Variants in GRIA4 observed in about 807,000 individuals in gnomAD.
The protein encoded by GRIA4 is glutamate receptor 4.
GRIA4 carries 34 observed loss-of-function variants against 104.0 expected under a neutral mutation model. The ratio of observed to expected loss-of-function variants is 0.33; its 90% confidence interval spans 0.25 to 0.44. The LOEUF is 0.44. Among genes scored for constraint, GRIA4 ranks in the 20% least tolerant of loss-of-function variants. GRIA4 has a pLI of 1.00. For synonymous variants in GRIA4, 386 were observed against 381.9 expected (o/e 1.01, Z -0.13); for missense variants, 750 against 1,096.5 (o/e 0.68, Z 4.46).
At chr11:105,641,995 T>C (rs1002391854) in intron 3 of GRIA4, among the ~76,000 whole-genome samples, 3 of 152,186 alleles carry the variant, frequency 2.0e-5, no homozygotes, top group South Asian at 2.1e-4. Context: ...GGCTTGTAGA[T>C]GCCATTATCT....
intron 7 of GRIA4, among the ~76,000 whole-genome samples, chr11:105,900,518 A>G (rs145515553): frequency 4.6e-5 from 7 of 152,228 alleles, no homozygotes; most frequent in Non-Finnish European, 1.0e-4. Flanking sequence ...AAATCCAACC[A>G]TCTTCCAAGG....
chr11:105,696,788 G>T (rs1953293782), intron 3 of GRIA4, among the ~76,000 whole-genome samples: 1 of 151,540 alleles, frequency 6.6e-6, no homozygotes. Flanking sequence ...TATTGAAACA[G>T]AGTTTTGCTC....
In GRIA4 at chr11:105,648,621, A is replaced by C. The variant is rs75215061; in HGVS notation, c.247+36187A>C. Among the ~76,000 whole-genome samples, 167 of 152,048 alleles carry C rather than the reference A, an allele frequency of 1.1e-3. 2 individuals carry two copies. In the East Asian group the frequency reaches 0.03, roughly 27 times the overall value. On this transcript the variant is annotated intron_variant, in intron 3 of 16. Coordinates refer to ENST00000282499, the MANE Select transcript of GRIA4 (RefSeq NM_000829.4). ...AAAAAAAGAAAGAACTAGGAAGGGA[A>C]GGATGCAGAGAAAGAAAAGAAACAA...
At chr11:105,692,961 G>A (rs531281442) in intron 3 of GRIA4, among the ~76,000 whole-genome samples, 25 of 152,156 alleles carry the variant, frequency 1.6e-4, no homozygotes, top group Admixed American at 5.9e-4. Context: ...AAACACACAC[G>A]CTAGACTCTG....
Position 105,610,890 on chromosome 11 carries a change from G to GAT in GRIA4, c.-90-18_-90-17insAT. ...CTTTTCTTTTTTTTTTTTTTTTTTT[G>GAT]GTTGATTTTAATTTTAGCGCCATCG... is the stretch of plus-strand genomic sequence containing the variant. On this transcript the variant is annotated splice_polypyrimidine_tract_variant and intron_variant, in intron 1 of 16. Transcript: ENST00000282499. 4.8e-6 allele frequency: 1 copy of GAT among 207,236 alleles called. No homozygotes were observed. The highest frequency in any genetic ancestry group is 1.8e-4 in the South Asian group (1 of 5,540). 12.8% of individuals were successfully genotyped at this position (207,236 alleles called of 1,614,324 possible). A position where few individuals can be genotyped will look rare whatever the true frequency, so the allele number is the denominator to read the frequency against.
chr11:105,885,590 G>A (rs1946227000), intron 5 of GRIA4, among the ~76,000 whole-genome samples: 1 of 152,330 alleles, frequency 6.6e-6, no homozygotes, highest in Admixed American at 6.5e-5. Context: ...GAAGCTTTGG[G>A]TTCAGTCAAG....
At chr11:105,649,713 C>T (rs1178715924) in intron 3 of GRIA4, among the ~76,000 whole-genome samples, 1 of 151,984 alleles carries the variant, frequency 6.6e-6, no homozygotes, top group African/African-American at 2.4e-5. Flanking sequence ...TTTTAATTGG[C>T]TTCATCTTTC....
chr11:105,735,607 T>A (rs147759887), intron 3 of GRIA4, among the ~76,000 whole-genome samples: 1 of 152,216 alleles, frequency 6.6e-6, no homozygotes, highest in Non-Finnish European at 1.5e-5. Flanking sequence ...TCTATTTGAA[T>A]GGACTTTTTA....
chr11:105,664,465 C>A (rs780416413), intron 3 of GRIA4, among the ~76,000 whole-genome samples: 2 of 151,086 alleles, frequency 1.3e-5, no homozygotes, highest in Non-Finnish European at 3.0e-5. Flanking sequence ...TATCCCAAAT[C>A]GGGATATAAG....
At chr11:105,804,170 T>C (rs1942844545) in intron 4 of GRIA4, among the ~76,000 whole-genome samples, 1 of 151,974 alleles carries the variant, frequency 6.6e-6, no homozygotes, top group South Asian at 2.1e-4. Flanking sequence ...AACATCCTAA[T>C]TGATAGATTT....
chr11:105,728,331 A>G (rs976592463), intron 3 of GRIA4, among the ~76,000 whole-genome samples: 6 of 152,276 alleles, frequency 3.9e-5, no homozygotes, highest in Non-Finnish European at 8.8e-5. Flanking sequence ...TAATTATTCT[A>G]AATATATATG....
Position 105,722,359 on chromosome 11 carries a change from AT to A in GRIA4, c.248-30617del, listed in dbSNP as rs561346563. On this transcript the variant is annotated intron_variant, in intron 3 of 16. Transcript: ENST00000282499. ...TGGACTTACAGTGGTACAACTCAACATTTTTCAGTCTTACAATGGGGTTATT... is the reference window on the plus strand; with the variant it reads ...TGGACTTACAGTGGTACAACTCAACATTTTCAGTCTTACAATGGGGTTATT... 4.2e-4 allele frequency among the ~76,000 whole-genome samples: 64 copies of A among 152,198 alleles called. 2 individuals are homozygous for A. The highest frequency in any genetic ancestry group is 1.5e-3 in the African/African-American group (62 of 41,552).
chr11:105,656,619 A>G (rs978477777), intron 3 of GRIA4, among the ~76,000 whole-genome samples: 2 of 152,106 alleles, frequency 1.3e-5, no homozygotes, highest in African/African-American at 4.8e-5. Flanking sequence ...TTTGCAATCT[A>G]TTTATGTGAC....
chr11:105,637,386 G>T (rs1045980143), intron 3 of GRIA4, among the ~76,000 whole-genome samples: 44 of 152,074 alleles, frequency 2.9e-4, no homozygotes, highest in African/African-American at 1.0e-3. Context: ...ATTTCTCTGA[G>T]GAATAGTATC....
chr11:105,957,355 T>A (rs2136252264), intron 14 of GRIA4, among the ~76,000 whole-genome samples: 1 of 152,334 alleles, frequency 6.6e-6, no homozygotes, highest in East Asian at 1.9e-4. Flanking sequence ...CAGGACCATT[T>A]ATTAAATAGG....
At chr11:105,920,532 G>C (rs938334208) in intron 11 of GRIA4, among the ~76,000 whole-genome samples, 13 of 152,030 alleles carry the variant, frequency 8.6e-5, no homozygotes, top group Non-Finnish European at 1.9e-4. Flanking sequence ...CTCTTCTCTG[G>C]AGTCCCTACC....
intron 9 of GRIA4, among the ~76,000 whole-genome samples, chr11:105,908,784 T>G (rs2409608): frequency 0.086 from 13,060 of 152,108 alleles, 761 homozygotes; most frequent in Admixed American, 0.18. Flanking sequence ...TCTGTGATTC[T>G]CTCTGTTGTG....
chr11:105,836,928 A>G (rs928097258), intron 4 of GRIA4, among the ~76,000 whole-genome samples: 27 of 152,276 alleles, frequency 1.8e-4, no homozygotes, highest in Admixed American at 1.6e-3. Context: ...GTATTAGTCC[A>G]TTCTCACACT....
intron 14 of GRIA4, among the ~76,000 whole-genome samples, chr11:105,939,403 T>C (rs369753781): frequency 2.6e-5 from 4 of 152,332 alleles, no homozygotes; most frequent in African/African-American, 9.6e-5. Context: ...TTTGACAAGA[T>C]AAACTGCTAC....
Sources: gnomAD v4.1 joint callset for allele counts (sites outside exome capture counted in the v4.1 genomes callset) on GRCh38, gnomAD v4.1.1 for gene constraint, MANE v1.5 for transcripts, NCBI Gene and HGNC (gene_info 2026-07-23, HGNC 2026-07-21) for gene names.